Variants in TNS3 observed in about 807,000 individuals in gnomAD.
The protein encoded by TNS3 is tensin 3.
A neutral mutation model predicts 140.9 loss-of-function variants in TNS3; 45 were observed. That is an observed-to-expected ratio of 0.32 (90% CI 0.25 to 0.41). The LOEUF is 0.41. TNS3 is among the 10% of genes least tolerant of loss of function. The pLI is 1.00. For synonymous variants in TNS3, 815 were observed against 788.4 expected, an observed-to-expected ratio of 1.03 and a Z score of -0.56; for missense variants, 1,716 against 1,906.7, an observed-to-expected ratio of 0.90 and a Z score of 1.86.
rs561224971 is a variant in TNS3 at position 47,398,381 on chromosome 7, T to C, written c.920-1477A>G. 2.7e-5 allele frequency among the ~76,000 whole-genome samples: 4 copies of C among 149,916 alleles called. No individual in the cohort carries two copies. In the South Asian group the frequency reaches 6.3e-4, roughly 24 times the overall value. On this transcript the variant is annotated intron_variant, in intron 15 of 30. Coordinates refer to ENST00000311160, the MANE Select transcript of TNS3 (RefSeq NM_022748.12). ...ACAAACAAACAAACAAAAAAGAAAA[T>C]CACAGACAAATATCCCTGATGAACA... is the stretch of plus-strand genomic sequence containing the variant.
chr7:47,277,773 T>G lies in TNS3; in HGVS notation c.*303A>C. On this transcript the variant is annotated 3_prime_UTR_variant, in exon 31 of 31. Transcript: ENST00000311160. Reference sequence around the variant, plus strand: ...ATGGGGACCACCTCGTGTTCTGTGCTGTTTCCTTGCATGTCCCTTTCCCAT... The same window carrying G: ...ATGGGGACCACCTCGTGTTCTGTGCGGTTTCCTTGCATGTCCCTTTCCCAT... 2.3e-6 allele frequency: 1 copy of G among 441,954 alleles called. No individual in the cohort carries two copies. The highest frequency in any genetic ancestry group is 4.2e-6 in the Non-Finnish European group (1 of 236,880). 27.4% of individuals were successfully genotyped at this position (441,954 alleles called of 1,614,324 possible). A position where few individuals can be genotyped will look rare whatever the true frequency, so the allele number is the denominator to read the frequency against.
At chr7:47,382,197 C>CCTT (rs1413492906) in intron 16 of TNS3, among the ~76,000 whole-genome samples, 1 of 152,088 alleles carries the variant, frequency 6.6e-6, no homozygotes, top group African/African-American at 2.4e-5. Flanking sequence ...AGGAGTGTTT[C>CCTT]CTTTCATGTT....
intron 20 of TNS3, among the ~76,000 whole-genome samples, chr7:47,321,088 G>C (rs1336145834): frequency 1.3e-5 from 2 of 152,216 alleles, no homozygotes; most frequent in Non-Finnish European, 2.9e-5. Context: ...CAGGACTCCA[G>C]GAGGAGCCAA....
chr7:47,342,348 T>C (rs1789067829), intron 20 of TNS3, among the ~76,000 whole-genome samples: 1 of 152,228 alleles, frequency 6.6e-6, no homozygotes, highest in Non-Finnish European at 1.5e-5. Context: ...CTGTCATTTA[T>C]ATGCACATCA....
intron 16 of TNS3, among the ~76,000 whole-genome samples, chr7:47,394,872 G>A (rs1792736305): frequency 2.0e-5 from 3 of 152,212 alleles, no homozygotes; most frequent in South Asian, 2.1e-4. Context: ...AGCCTGCCCC[G>A]CAGGCAGGTC....
At chr7:47,562,632 G>A (rs1286737303) in intron 1 of TNS3, among the ~76,000 whole-genome samples, 4 of 152,030 alleles carry the variant, frequency 2.6e-5, no homozygotes, top group African/African-American at 7.2e-5. Context: ...GTGATCTGCC[G>A]CCTTGGTCTC....
intron 1 of TNS3, among the ~76,000 whole-genome samples, chr7:47,533,164 G>T (rs571403900): frequency 9.5e-6 from 1 of 105,698 alleles, no homozygotes; most frequent in Non-Finnish European, 1.7e-5. Context: ...ACAGAGTCTC[G>T]CTCTGTCGCC....
intron 15 of TNS3, among the ~76,000 whole-genome samples, chr7:47,397,112 G>A (rs1562687615): frequency 6.6e-6 from 1 of 152,142 alleles, no homozygotes; most frequent in African/African-American, 2.4e-5. Flanking sequence ...CCACGAGGGG[G>A]AAGGGATAAG....
At chr7:47,393,347 G>A (rs932926654) in intron 16 of TNS3, among the ~76,000 whole-genome samples, 13 of 152,178 alleles carry the variant, frequency 8.5e-5, no homozygotes, top group Admixed American at 5.2e-4. Context: ...CAGACAGCAC[G>A]TGGGGATGGA....
chr7:47,287,769 G>A (rs556459179), intron 27 of TNS3, among the ~76,000 whole-genome samples: 1 of 152,258 alleles, frequency 6.6e-6, no homozygotes, highest in African/African-American at 2.4e-5. Context: ...TCAGAAATGA[G>A]ATTTTTAAAG....
intron 20 of TNS3, among the ~76,000 whole-genome samples, chr7:47,324,945 T>C (rs541539683): frequency 2.4e-4 from 37 of 152,146 alleles, no homozygotes; most frequent in East Asian, 2.3e-3. Context: ...AAGTGCAGCA[T>C]GAGCTACAAA....
At chr7:47,570,041 T>C (rs140351925) in intron 1 of TNS3, among the ~76,000 whole-genome samples, 4,936 of 152,042 alleles carry the variant, frequency 0.032, 251 homozygotes, top group African/African-American at 0.11. Flanking sequence ...TCCCAACTAC[T>C]TGGGAGGCTG....
intron 17 of TNS3, among the ~76,000 whole-genome samples, chr7:47,353,992 AACACACACACACACAC>A (rs10598998): frequency 4.9e-5 from 7 of 143,396 alleles, no homozygotes; most frequent in South Asian, 4.7e-4. Context: ...CAGAGGACAA[AACACACACACACACAC>A]ACACACACAC....
intron 4 of TNS3, among the ~76,000 whole-genome samples, chr7:47,477,018 A>T (rs1797220845): frequency 6.6e-6 from 1 of 152,226 alleles, no homozygotes; most frequent in Admixed American, 6.5e-5. Flanking sequence ...ACAATCACGG[A>T]AAAGGTTCCT....
intron 20 of TNS3, among the ~76,000 whole-genome samples, chr7:47,321,019 A>C (rs1211375477): frequency 6.6e-6 from 1 of 152,258 alleles, no homozygotes; most frequent in African/African-American, 2.4e-5. Context: ...GAGACCACAC[A>C]GACTTTCTAA....
chr7:47,511,543 C>T (rs138685703), intron 2 of TNS3, among the ~76,000 whole-genome samples: 1 of 98,334 alleles, frequency 1.0e-5, no homozygotes, highest in African/African-American at 3.0e-5. Flanking sequence ...TGAATACAAA[C>T]CACACTGACA....
At chr7:47,359,341 C>A (rs1790185438) in intron 17 of TNS3, among the ~76,000 whole-genome samples, 1 of 152,160 alleles carries the variant, frequency 6.6e-6, no homozygotes, top group Admixed American at 6.5e-5. Flanking sequence ...CCACAGTAGG[C>A]ACATCCCCAG....
At chr7:47,426,650 G>A (rs904285369) in intron 9 of TNS3, among the ~76,000 whole-genome samples, 1 of 152,156 alleles carries the variant, frequency 6.6e-6, no homozygotes, top group African/African-American at 2.4e-5. Flanking sequence ...GAGAGATTCA[G>A]GTAAATTGCC....
At chr7:47,557,460 A>G (rs991304093) in intron 1 of TNS3, among the ~76,000 whole-genome samples, 8 of 152,230 alleles carry the variant, frequency 5.3e-5, no homozygotes, top group Non-Finnish European at 8.8e-5. Context: ...AGGAAGAGTC[A>G]CAATGTGGAA....
Sources: gnomAD v4.1 joint callset for allele counts (sites outside exome capture counted in the v4.1 genomes callset) on GRCh38, gnomAD v4.1.1 for gene constraint, MANE v1.5 for transcripts, NCBI Gene and HGNC (gene_info 2026-07-23, HGNC 2026-07-21) for gene names.